The following DEGS2 variants were observed in gnomAD, a reference collection of about 807,000 sequenced individuals.
DEGS2 encodes delta 4-desaturase, sphingolipid 2.
In DEGS2, 19 loss-of-function variants were observed where a neutral mutation model predicts 23.8. That is an observed-to-expected ratio of 0.80 (90% CI 0.56 to 1.17). DEGS2 has a LOEUF of 1.17. Among genes scored for constraint, DEGS2 ranks in the 50% most tolerant of loss-of-function variants. DEGS2 has a pLI of 0.00. For synonymous variants in DEGS2, 218 were observed against 213.7 expected (o/e 1.02, Z -0.18); for missense variants, 390 against 459.5 (o/e 0.85, Z 1.38).
chr14:100,165,403 G>A, the DEGS2 span, among the ~76,000 whole-genome samples: 2 of 152,240 alleles, frequency 1.3e-5, no homozygotes, highest in Non-Finnish European at 2.9e-5. Flanking sequence ...TCCCCGACCC[G>A]CGCCGTGTGG....
At chr14:100,160,159 A>G (rs1566744157), upstream of DEGS2, 2 of 152,204 alleles carry the variant, frequency 1.3e-5, no homozygotes, top group Admixed American at 6.5e-5. Flanking sequence ...CCCTTCCTCC[A>G]CCCGGCCCTT....
intron 1 of DEGS2, among the ~76,000 whole-genome samples, 174 bp from the exon 2 acceptor site, chr14:100,149,884 C>T (rs946202908): frequency 2.6e-5 from 4 of 152,388 alleles, no homozygotes; most frequent in Non-Finnish European, 4.4e-5. Context: ...GGCCCCCACC[C>T]TGGCCGAGCC....
At chr14:100,160,009 G>T (rs1889726476), upstream of DEGS2, 1 of 154,010 alleles carries the variant, frequency 6.5e-6, no homozygotes, top group Non-Finnish European at 1.4e-5. Flanking sequence ...ACCCGCTCGC[G>T]GGCACGCCCC....
At chr14:100,154,090 C>T (rs1038310557) in intron 1 of DEGS2, among the ~76,000 whole-genome samples, 11 of 152,188 alleles carry the variant, frequency 7.2e-5, no homozygotes, top group African/African-American at 1.4e-4. Context: ...CAGATCTGGG[C>T]GCAGTGGCTC....
At chr14:100,159,405 G>T in intron 1 of DEGS2, 101 bp downstream of exon 1, 1 of 948,662 alleles carries the variant, frequency 1.1e-6, no homozygotes, top group Non-Finnish European at 1.5e-6. Context: ...CTGGAATTTG[G>T]GCCAGAGCTG....
chr14:100,150,387 A>ACCCCCCCCCCCCCCCCCCCCCCC (rs778863717), intron 1 of DEGS2, among the ~76,000 whole-genome samples: 3 of 92,270 alleles, frequency 3.3e-5, no homozygotes, highest in Admixed American at 1.1e-4. Flanking sequence ...CCACCCCAAC[A>ACCCCCCCCCCCCCCCCCCCCCCC]CCCCCCCCCG....
chr14:100,146,630 T>G lies in DEGS2; in HGVS notation c.*131A>C. ...CCACACTGCTGTTGCCAGGTGTGGC[T>G]GCGCGGGACACTCCTCGGGGACAAG... On this transcript the variant is annotated 3_prime_UTR_variant, in exon 3 of 3. Transcript: ENST00000305631. 7.4e-7 allele frequency: 1 copy of G among 1,343,798 alleles called. No homozygotes were observed. Among genetic ancestry groups the G allele is most frequent in the Non-Finnish European group, 1.0e-6 (1 of 989,498 alleles). The allele number at this position is 1,343,798 out of a possible 1,614,324, so 83.2% of individuals were successfully genotyped here. A position where few individuals can be genotyped will look rare whatever the true frequency, so the allele number is the denominator to read the frequency against.
the DEGS2 span, among the ~76,000 whole-genome samples, chr14:100,164,800 G>A: frequency 1.4e-3 from 218 of 152,262 alleles, 1 homozygote; most frequent in African/African-American, 5.0e-3. Flanking sequence ...TGAAAGCTGC[G>A]CATGCCAGGG....
chr14:100,161,575 G>C (rs1889746924), upstream of DEGS2, among the ~76,000 whole-genome samples: 1 of 152,146 alleles, frequency 6.6e-6, no homozygotes, highest in African/African-American at 2.4e-5. Flanking sequence ...TCCTGGAGCA[G>C]AAAAAGGACA....
intron 1 of DEGS2, among the ~76,000 whole-genome samples, chr14:100,155,384 C>G (rs927378208): frequency 6.6e-6 from 1 of 152,156 alleles, no homozygotes; most frequent in Non-Finnish European, 1.5e-5. Flanking sequence ...GCCACCTACC[C>G]ACAGCTTCCA....
chr14:100,145,329 G>A lies in DEGS2; in HGVS notation c.*1432C>T, dbSNP rs1274846036. The stretch of plus-strand genomic sequence containing the variant: ...GTGGGCGGGCCTGTGTGCACAGGGA[G>A]GGGCCGCCCGGCTCAAAGTCCTGGT... On this transcript the variant is annotated 3_prime_UTR_variant, in exon 3 of 3. Transcript: ENST00000305631. The A allele has an allele frequency of 6.6e-6, 1 of 152,306 alleles. No homozygotes were observed. Among genetic ancestry groups the A allele is most frequent in the Non-Finnish European group, 1.5e-5 (1 of 68,094 alleles). 9.4% of individuals were successfully genotyped at this position (152,306 alleles called of 1,614,324 possible). A position where few individuals can be genotyped will look rare whatever the true frequency, so the allele number is the denominator to read the frequency against.
upstream of DEGS2, among the ~76,000 whole-genome samples, chr14:100,164,185 G>A (rs1457043509): frequency 1.3e-5 from 2 of 151,842 alleles, no homozygotes; most frequent in East Asian, 2.0e-4. Context: ...TTCCTGCCTC[G>A]GCCTCCCAAA....
chr14:100,161,008 G>A (rs1043088917), upstream of DEGS2, among the ~76,000 whole-genome samples: 2 of 152,182 alleles, frequency 1.3e-5, no homozygotes, highest in African/African-American at 4.8e-5. Context: ...AGCCAGAAGG[G>A]TCCTCAGAAG....
rs1200661509 is a variant in DEGS2 at position 100,146,817 on chromosome 14, G to C, written c.916C>G (p.Leu306Val). The change falls in exon 3 of 3, where the codon CTG (leucine) becomes GTG (valine). Residue 306 changes from leucine to valine, a missense_variant. Leu to Val is a conservative substitution (Grantham distance 32). Coordinates refer to ENST00000305631, the MANE Select transcript of DEGS2 (RefSeq NM_206918.3). Reference sequence around the variant, plus strand: ...CGCTTCACCCTGGCATAGGGCCCCAGGGAGTCCTCAAACACAAAATCCCAG... The same window carrying C: ...CGCTTCACCCTGGCATAGGGCCCCACGGAGTCCTCAAACACAAAATCCCAG... ...VLWDFVFEDS[L>V]GPYARVKRVY... 5.6e-6 allele frequency: 9 copies of C among 1,613,828 alleles called. No homozygotes were observed. Among genetic ancestry groups the C allele is most frequent in the Non-Finnish European group, 7.6e-6 (9 of 1,179,928 alleles).
Position 100,146,647 on chromosome 14 carries a change from G to A in DEGS2, c.*114C>T. ...GGTGTGGCTGCGCGGGACACTCCTC[G>A]GGGACAAGGGCAGCAGTCCAGAGCA... On this transcript the variant is annotated 3_prime_UTR_variant, in exon 3 of 3. Transcript: ENST00000305631. The A allele has an allele frequency of 6.2e-6, 9 of 1,457,784 alleles. No individual in the cohort carries two copies. Among genetic ancestry groups the A allele is most frequent in the Admixed American group, 2.1e-5 (1 of 47,430 alleles). 90.3% of individuals were successfully genotyped at this position (1,457,784 alleles called of 1,614,324 possible).
Position 100,149,719 on chromosome 14 carries a change from A to G in DEGS2, c.83-9T>C. 6.3e-7 allele frequency: 1 copy of G among 1,589,104 alleles called. No individual in the cohort carries two copies. Among genetic ancestry groups the G allele is most frequent in the Admixed American group, 1.7e-5 (1 of 57,694 alleles). On this transcript the variant is annotated splice_polypyrimidine_tract_variant and intron_variant, in intron 1 of 2. Transcript: ENST00000305631. ...GATGGCCGGGTACTTGGCTGCAAGGAAGACAGGGAGGTATGAGGCCCCGCT... is the reference window on the plus strand; with the variant it reads ...GATGGCCGGGTACTTGGCTGCAAGGGAGACAGGGAGGTATGAGGCCCCGCT...
chr14:100,163,784 G>C (rs1229284488), upstream of DEGS2, among the ~76,000 whole-genome samples: 3 of 152,208 alleles, frequency 2.0e-5, no homozygotes, highest in Admixed American at 2.0e-4. Flanking sequence ...CAGTGGTGCA[G>C]TCTCAGCTCA....
At chr14:100,152,811 A>G (rs1358516056) in intron 1 of DEGS2, among the ~76,000 whole-genome samples, 1 of 151,828 alleles carries the variant, frequency 6.6e-6, no homozygotes, top group Non-Finnish European at 1.5e-5. Context: ...CAGCTTGCAG[A>G]CAGTCTGTCA....
upstream of DEGS2, among the ~76,000 whole-genome samples, chr14:100,160,708 A>T (rs779014480): frequency 6.6e-6 from 1 of 152,188 alleles, no homozygotes; most frequent in Non-Finnish European, 1.5e-5. Flanking sequence ...TGTGCGTCCC[A>T]TGGAAGTCCA....
Sources: allele counts gnomAD v4.1 joint callset (sites outside exome capture counted in the v4.1 genomes callset), GRCh38; gene constraint gnomAD v4.1.1; transcripts MANE v1.5; gene names NCBI Gene and HGNC (gene_info 2026-07-23, HGNC 2026-07-21).